RET: variants seen among roughly 807,000 people sequenced by gnomAD.
The protein encoded by RET is ret proto-oncogene.
Under a neutral mutation model 118.3 loss-of-function variants are expected in RET, and 19 were observed. The ratio of observed to expected loss-of-function variants is 0.16; its 90% confidence interval spans 0.11 to 0.24. RET has a LOEUF of 0.24. Ranked by LOEUF, RET falls within the 10% of genes least tolerant of loss-of-function variation. The pLI, the probability that RET is intolerant of heterozygous loss-of-function variation, is 1.00. For missense variants in RET, 1,219 were observed against 1,502.1 expected (o/e 0.81, Z 3.12); for synonymous variants, 597 against 644.1 (o/e 0.93, Z 1.11).
In RET at chr10:43,112,187, A is replaced by G. The variant is rs2132800619; in HGVS notation, c.1611A>G (p.Pro537=). Reference sequence around the variant, plus strand: ...AGGAGTGTGGCGGCCTGGGCTCCCCAACAGGCAGGTGTGAGTGGAGGCAAG... The same window carrying G: ...AGGAGTGTGGCGGCCTGGGCTCCCCGACAGGCAGGTGTGAGTGGAGGCAAG... ...ECEECGGLGS[P]TGRCEWRQGD... The change falls in exon 8 of 20, where the codon CCA becomes CCG. Residue 537 remains proline, a synonymous_variant. Transcript: ENST00000355710. 6.4e-7 allele frequency: 1 copy of G among 1,564,814 alleles called. No individual in the cohort carries two copies. Among genetic ancestry groups the G allele is most frequent in the Admixed American group, 1.9e-5 (1 of 52,768 alleles).
chr10:43,126,651 C>T lies in RET; in HGVS notation c.3116C>T (p.Pro1039Leu), dbSNP rs79853121. 1.5e-5 allele frequency: 24 copies of T among 1,614,074 alleles called. No individual in the cohort carries two copies. The highest frequency in any genetic ancestry group is 6.7e-5 in the East Asian group (3 of 44,872). Residue 1039 changes from proline to leucine, a missense_variant, in exon 19 of 20, where the codon CCG becomes CTG. Physicochemically the swap from Pro to Leu is moderately conservative, Grantham distance 98. Coordinates refer to ENST00000355710, the MANE Select transcript of RET (RefSeq NM_020975.6). ...GACGGCCTCTCAGAGGAGGAGACAC[C>T]GCTGGTGGACTGTAATAATGCCCCC... ...YDDGLSEEET[P>L]LVDCNNAPLP...
chr10:43,084,820 G>A (rs1461723280), intron 1 of RET, among the ~76,000 whole-genome samples: 1 of 152,120 alleles, frequency 6.6e-6, no homozygotes, highest in Admixed American at 6.5e-5. Context: ...ATAAGAAGGG[G>A]CCTCTCAGGA....
At chr10:43,082,598 G>C (rs920181212) in intron 1 of RET, among the ~76,000 whole-genome samples, 21 of 132,098 alleles carry the variant, frequency 1.6e-4, no homozygotes, top group Middle Eastern at 4.1e-3. Flanking sequence ...TCCACTCCTG[G>C]CCCTTGCTCC....
chr10:43,099,826 C>G (rs116730575), intron 1 of RET, among the ~76,000 whole-genome samples: 1 of 152,166 alleles, frequency 6.6e-6, no homozygotes, highest in Non-Finnish European at 1.5e-5. Context: ...TGTGTGTGAC[C>G]CATCCAGGTG....
intron 7 of RET, among the ~76,000 whole-genome samples, 181 bp downstream of exon 7, chr10:43,111,646 G>A (rs1588871678): frequency 6.6e-6 from 1 of 152,252 alleles, no homozygotes; most frequent in African/African-American, 2.4e-5. Context: ...TAACATACAG[G>A]ACCTTGGGTA....
chr10:43,125,634 A>G (rs1453908443), intron 18 of RET, among the ~76,000 whole-genome samples: 2 of 152,204 alleles, frequency 1.3e-5, no homozygotes, highest in Non-Finnish European at 2.9e-5. Context: ...TTTTCAACCA[A>G]TATTCATCAG....
At chr10:43,086,521 G>A (rs1393479953) in intron 1 of RET, among the ~76,000 whole-genome samples, 9 of 152,182 alleles carry the variant, frequency 5.9e-5, no homozygotes, top group South Asian at 2.1e-4. Flanking sequence ...CCCTGGCCCC[G>A]TTGCCCCAGG....
At chr10:43,127,639 C>A in intron 19 of RET, 2 of 309,790 alleles carry the variant, frequency 6.5e-6, no homozygotes, top group Non-Finnish European at 1.1e-5. Context: ...GTGCCACACT[C>A]CATTTGTGCT....
Position 43,112,088 on chromosome 10 carries a change from G to C in RET, c.1523-11G>C. ...CAGCCCCCTGTGACCCTGCTTGTCT[G>C]CCACCTGCAGATGTGGCCGAGGAGG... On this transcript the variant is annotated splice_polypyrimidine_tract_variant and intron_variant, in intron 7 of 19. Coordinates refer to ENST00000355710, the MANE Select transcript of RET (RefSeq NM_020975.6). 6.3e-7 allele frequency: 1 copy of C among 1,595,252 alleles called. No homozygotes were observed. Among genetic ancestry groups the C allele is most frequent in the Non-Finnish European group, 8.5e-7 (1 of 1,171,290 alleles).
At chr10:43,110,659 C>A (rs1260110995) in intron 6 of RET, among the ~76,000 whole-genome samples, 2 of 152,156 alleles carry the variant, frequency 1.3e-5, no homozygotes, top group Non-Finnish European at 2.9e-5. Context: ...CCCAGGGAGG[C>A]CCCCTGGTCC....
Position 43,121,784 on chromosome 10 carries a change from C to G in RET, c.2731-162C>G, listed in dbSNP as rs578056969. Among the ~76,000 whole-genome samples, 50 of 152,258 alleles carry G rather than the reference C, an allele frequency of 3.3e-4. No individual in the cohort carries two copies. The South Asian group carries it at 9.3e-3, about 28-fold the overall frequency. The stretch of plus-strand genomic sequence containing the variant: ...TCCACAGGAGGTTCAGGCTGGAGCT[C>G]CAGCCCCTTCAAAGATGTGTGTGGC... On this transcript the variant is annotated intron_variant, in intron 15 of 19. Coordinates refer to ENST00000355710, the MANE Select transcript of RET (RefSeq NM_020975.6).
At position 43,106,341 on chromosome 10, in the gene RET, C is replaced by T. The variant is rs575835766; in HGVS notation, c.868-35C>T. 14 of 1,598,502 alleles carry T rather than the reference C, an allele frequency of 8.8e-6. No individual in the cohort carries two copies. Among genetic ancestry groups the T allele is most frequent in the Admixed American group, 3.3e-5 (2 of 59,970 alleles). Reference sequence around the variant, plus strand: ...TTTGGGGGGTCTGAGGGGCCCATCTCGCCTGCACTGACCAACGCCCTCTGC... The same window carrying T: ...TTTGGGGGGTCTGAGGGGCCCATCTTGCCTGCACTGACCAACGCCCTCTGC... On this transcript the variant is annotated intron_variant, in intron 4 of 19. Coordinates refer to ENST00000355710, the MANE Select transcript of RET (RefSeq NM_020975.6). This position sits in a 1 kb window ranked among gnomAD's most constrained non-coding sequence, Gnocchi z 5.1.
chr10:43,097,369 T>G (rs532014501), intron 1 of RET, among the ~76,000 whole-genome samples: 2 of 152,158 alleles, frequency 1.3e-5, no homozygotes, highest in Admixed American at 1.3e-4. Flanking sequence ...ATGGTTCTTA[T>G]TGGGAAGACC....
rs79658334 is a variant in RET, at chr10:43,119,548, G to C, written c.2410G>C (p.Val804Leu). 3 of 1,605,622 alleles carry C rather than the reference G, an allele frequency of 1.9e-6. No individual in the cohort carries two copies. The highest frequency in any genetic ancestry group is 2.5e-6 in the Non-Finnish European group (3 of 1,177,962). ...GCCCCCAGGCCCGCTCCTCCTCATC[G>C]TGGAGTACGCCAAATACGGCTCCCT... ...CSQDGPLLLI[V>L]EYAKYGSLRG... Residue 804 changes from valine to leucine, a missense_variant, in exon 14 of 20, where the codon GTG (valine) becomes CTG (leucine). By Grantham distance (32) the Val-to-Leu change is conservative. Coordinates refer to ENST00000355710, the MANE Select transcript of RET (RefSeq NM_020975.6).
At chr10:43,112,465 C>T (rs531088683) in intron 8 of RET, among the ~76,000 whole-genome samples, 1 of 152,320 alleles carries the variant, frequency 6.6e-6, no homozygotes, top group East Asian at 1.9e-4. Context: ...AAGGTCTGAA[C>T]CAAAGTTGGG....
intron 8 of RET, among the ~76,000 whole-genome samples, 190 bp downstream of exon 8, chr10:43,112,414 A>G (rs1360820734): frequency 6.6e-6 from 1 of 152,228 alleles, no homozygotes; most frequent in East Asian, 1.9e-4. Context: ...GCTTGTGAGT[A>G]CAGTGAATGG....
intron 1 of RET, among the ~76,000 whole-genome samples, chr10:43,079,063 A>G (rs1230862353): frequency 1.3e-5 from 2 of 151,952 alleles, no homozygotes; most frequent in Non-Finnish European, 2.9e-5. Context: ...CTCCCCAACC[A>G]CCCCAAGGGG....
At chr10:43,105,352 A>AG (rs1160859938) in intron 4 of RET, among the ~76,000 whole-genome samples, 159 bp downstream of exon 4, 1 of 151,134 alleles carries the variant, frequency 6.6e-6, no homozygotes, top group African/African-American at 2.4e-5. Flanking sequence ...TCCTAGGGGG[A>AG]GGGGAAGGGG....
chr10:43,115,601 C>T (rs367934553), intron 11 of RET, among the ~76,000 whole-genome samples: 1 of 152,208 alleles, frequency 6.6e-6, no homozygotes, highest in South Asian at 2.1e-4. Flanking sequence ...CCTTCATAAA[C>T]CCAGTGGGTT....
Sources: gnomAD v4.1 joint callset for allele counts (sites outside exome capture counted in the v4.1 genomes callset) on GRCh38, gnomAD v4.1.1 for gene constraint, Gnocchi (gnomAD v3.1) non-coding constraint, MANE v1.5 for transcripts, NCBI Gene and HGNC (gene_info 2026-07-23, HGNC 2026-07-21) for gene names.